The following PRR5 variants were observed in gnomAD, a reference collection of about 807,000 sequenced individuals.
The protein encoded by PRR5 is proline-rich protein 5.
PRR5 carries 25 observed loss-of-function variants against 30.6 expected under a neutral mutation model. The ratio of observed to expected loss-of-function variants is 0.82; its 90% CI spans 0.60 to 1.14. The LOEUF (loss-of-function observed/expected upper bound fraction) is 1.14, where lower values mean the gene tolerates loss of function less well. PRR5 is among the 50% of genes most tolerant of loss of function. PRR5 has a pLI of 0.00. For missense variants in PRR5, 600 were observed against 547.1 expected (o/e 1.10, Z -0.96); for synonymous variants, 286 against 247.1 (o/e 1.16, Z -1.48).
rs368755171 is a variant in PRR5, at chr22:44,679,849, C to G, written c.-11+2609C>G. 3.1e-6 allele frequency: 5 copies of G among 1,598,184 alleles called. No individual in the cohort carries two copies. The Middle Eastern group carries it at 8.4e-4, about 268-fold the overall frequency. ...AGGGAAGCCTGGGGCTCGGGAAGCC[C>G]GGAAAAGATGCCGGCGCAGCCTGAG... On this transcript the variant is annotated intron_variant, in intron 1 of 8. Transcript: ENST00000006251.
At chr22:44,696,721 G>GTATTTATTTATTTATTTATTTATTTATT (rs56370664) in intron 1 of PRR5, among the ~76,000 whole-genome samples, 127 of 148,032 alleles carry the variant, frequency 8.6e-4, no homozygotes, top group Middle Eastern at 3.4e-3. Context: ...ATGAACTTAC[G>GTATTTATTTATTTATTTATTTATTTATT]TATTTATTTA....
intron 1 of PRR5, among the ~76,000 whole-genome samples, chr22:44,695,866 G>A (rs1487047986): frequency 1.4e-5 from 2 of 147,394 alleles, no homozygotes; most frequent in Non-Finnish European, 3.0e-5. Context: ...CTCCCAAAGT[G>A]CGCCCAGCCT....
chr22:44,734,940 G>A (rs1922919641), intron 6 of PRR5, 87 bp from the exon 7 acceptor site: 4 of 1,465,152 alleles, frequency 2.7e-6, no homozygotes, highest in South Asian at 1.2e-5. Flanking sequence ...AGGACAGGCT[G>A]TCTGGTGGGT....
rs547828183 is a variant in PRR5 at position 44,711,101 on chromosome 22, A to C, written c.135-3490A>C. Among the ~76,000 whole-genome samples the C allele has an allele frequency of 1.9e-4, 29 of 152,312 alleles. No homozygotes were observed. In the East Asian group the frequency reaches 5.6e-3, roughly 29 times the overall value. On this transcript the variant is annotated intron_variant, in intron 1 of 7. Transcript: ENST00000336985. ...GGAGAACACCCAGGGCGAGGAGCCC[A>C]GGAGAGGCTCAGGCCTCCACGGAGG... is the stretch of plus-strand genomic sequence containing the variant.
intron 2 of PRR5, among the ~76,000 whole-genome samples, chr22:44,722,677 GA>G (rs1395629415): frequency 1.3e-5 from 2 of 152,220 alleles, no homozygotes; most frequent in Non-Finnish European, 2.9e-5. Flanking sequence ...TGTTTGGGGG[GA>G]TGGTATGTTT....
In PRR5 at chr22:44,732,399, C is replaced by G; in HGVS notation, c.555+8C>G. ...ATGCTGCTGGTGCTGCAGGTGGGCA[C>G]AGTGGGCAGAGGGTCGGGCATGGGG... On this transcript the variant is annotated splice_region_variant and intron_variant, in intron 6 of 7. Coordinates refer to ENST00000336985, the MANE Select transcript of PRR5 (RefSeq NM_181333.4). 1 of 1,604,516 alleles carries G rather than the reference C, an allele frequency of 6.2e-7. No homozygotes were observed.
rs192697952 is a variant in PRR5 at position 44,702,231 on chromosome 22, G to C, written c.-244G>C. The C allele has an allele frequency of 6.3e-6, 7 of 1,114,518 alleles. No individual in the cohort carries two copies. Among genetic ancestry groups the C allele is most frequent in the Admixed American group, 1.0e-4 (2 of 19,958 alleles). 69.0% of individuals were successfully genotyped at this position (1,114,518 alleles called of 1,614,324 possible). ...CCTCCGTTTGCGCCGGGTCTGTGCT[G>C]GCCGCGCGCCTGGCGCTCCACGCTG... On this transcript the variant is annotated 5_prime_UTR_variant, in exon 1 of 8. Transcript: ENST00000336985.
chr22:44,708,200 A>C (rs1927542435), intron 1 of PRR5, among the ~76,000 whole-genome samples: 1 of 152,174 alleles, frequency 6.6e-6, no homozygotes, highest in Non-Finnish European at 1.5e-5. Flanking sequence ...ACTCCAACTC[A>C]AAAAACAACA....
chr22:44,737,252 T>C lies in PRR5; in HGVS notation c.*5T>C. 1.3e-6 allele frequency: 2 copies of C among 1,591,602 alleles called. No homozygotes were observed. Among genetic ancestry groups the C allele is most frequent in the Non-Finnish European group, 1.7e-6 (2 of 1,165,296 alleles). On this transcript the variant is annotated 3_prime_UTR_variant, in exon 8 of 8. Transcript: ENST00000336985. ...GGCCGGCAGAGTGTCGTGTGAGGCC[T>C]CACAGCTGGCCTTGAGTTTTTACTG...
chr22:44,668,923 G>GGCGCGCGCGTGTGTGTGCGCGCGTAGGT (rs1923249429), intron 1 of PRR5: 1 of 150,376 alleles, frequency 6.6e-6, no homozygotes, highest in South Asian at 1.9e-4. Context: ...CCGGCGGAGC[G>GGCGCGCGCGTGTGTGTGCGCGCGTAGGT]GCGCGCGCGT....
chr22:44,733,479 G>A (rs138369975), intron 6 of PRR5, among the ~76,000 whole-genome samples: 1 of 152,338 alleles, frequency 6.6e-6, no homozygotes, highest in South Asian at 2.1e-4. Context: ...ACCCTCACAG[G>A]GCAACCAGAG....
At chr22:44,670,341 G>A (rs185938525) in intron 1 of PRR5, among the ~76,000 whole-genome samples, 16 of 152,330 alleles carry the variant, frequency 1.1e-4, no homozygotes, top group Admixed American at 3.9e-4. Context: ...AAATCGTGGG[G>A]CGGGGATTGC....
intron 1 of PRR5, among the ~76,000 whole-genome samples, chr22:44,687,074 T>A (rs1391163784): frequency 6.6e-6 from 1 of 152,220 alleles, no homozygotes; most frequent in Non-Finnish European, 1.5e-5. Context: ...TAATTTGGGA[T>A]CATGAGTTTA....
Position 44,731,797 on chromosome 22 carries a change from G to T in PRR5, c.390G>T (p.Leu130=). 1 of 1,613,554 alleles carries T rather than the reference G, an allele frequency of 6.2e-7. No homozygotes were observed. Among genetic ancestry groups the T allele is most frequent in the East Asian group, 2.2e-5 (1 of 44,884 alleles). Residue 130 remains leucine (L), a synonymous_variant, in exon 5 of 8, where the codon CTG becomes CTT. Coordinates refer to ENST00000336985, the MANE Select transcript of PRR5 (RefSeq NM_181333.4). ...TCTTCAGTGACGTGCTGCCCATGCT[G>T]CAGGCCATCTTCTACCCGGTGCAGG... The part of the protein sequence containing the change: ...DFFFSDVLPM[L]QAIFYPVQGK...
chr22:44,701,032 A>G (rs1157824222), upstream of PRR5, among the ~76,000 whole-genome samples: 1 of 151,006 alleles, frequency 6.6e-6, no homozygotes, highest in South Asian at 2.1e-4. Context: ...ACGGGCATGC[A>G]CCACCACGCC....
At chr22:44,670,942 A>C (rs1923391487) in intron 1 of PRR5, among the ~76,000 whole-genome samples, 2 of 152,346 alleles carry the variant, frequency 1.3e-5, no homozygotes, top group East Asian at 3.9e-4. Flanking sequence ...TGAGAAGAAC[A>C]GAGCTCTCGT....
At chr22:44,719,262 T>G (rs2147102340) in intron 2 of PRR5, among the ~76,000 whole-genome samples, 1 of 152,136 alleles carries the variant, frequency 6.6e-6, no homozygotes, top group South Asian at 2.1e-4. Context: ...TTTTTATTTT[T>G]TGTAGAGATG....
upstream of PRR5, among the ~76,000 whole-genome samples, chr22:44,672,141 C>G (rs1923462507): frequency 6.6e-6 from 1 of 152,204 alleles, no homozygotes; most frequent in Non-Finnish European, 1.5e-5. Flanking sequence ...CACTCTGGGC[C>G]TGGCCCAAGG....
intron 1 of PRR5, among the ~76,000 whole-genome samples, chr22:44,708,814 A>G (rs996073910): frequency 6.6e-6 from 1 of 152,000 alleles, no homozygotes; most frequent in South Asian, 2.1e-4. Flanking sequence ...TAAAAATACA[A>G]AAATTAGCCC....
Sources: gnomAD v4.1 joint callset for allele counts (sites outside exome capture counted in the v4.1 genomes callset) on GRCh38, gnomAD v4.1.1 for gene constraint, MANE v1.5 for transcripts, NCBI Gene and HGNC (gene_info 2026-07-23, HGNC 2026-07-21) for gene names.